EPHA6: variants seen among roughly 807,000 people sequenced by gnomAD.
The protein encoded by EPHA6 is ephrin type-A receptor 6.
EPHA6 carries 50 observed loss-of-function variants against 112.0 expected under a neutral mutation model. The ratio of observed to expected loss-of-function variants is 0.45; its 90% CI spans 0.36 to 0.56. The LOEUF (loss-of-function observed/expected upper bound fraction) is 0.56. EPHA6 is among the 20% of genes least tolerant of loss of function. The pLI is 0.00. For missense variants in EPHA6, 1,280 were observed against 1,417.4 expected (o/e 0.90, Z 1.56); for synonymous variants, 529 against 490.7 (o/e 1.08, Z -1.03).
chr3:97,008,896 A>G (rs908787205), intron 3 of EPHA6, among the ~76,000 whole-genome samples: 1 of 151,856 alleles, frequency 6.6e-6, no homozygotes, highest in African/African-American at 2.4e-5. Flanking sequence ...CTGTAGGGCT[A>G]CTGCAGTTTG....
intron 2 of EPHA6, among the ~76,000 whole-genome samples, chr3:96,912,760 TC>T (rs1480376709): frequency 1.3e-5 from 2 of 151,886 alleles, no homozygotes; most frequent in African/African-American, 4.8e-5. Flanking sequence ...GCTAATTTTT[TC>T]AAAAAAATTT....
At chr3:96,829,412 C>T (rs1391951657) in intron 1 of EPHA6, among the ~76,000 whole-genome samples, 4 of 152,004 alleles carry the variant, frequency 2.6e-5, no homozygotes, top group Non-Finnish European at 4.4e-5. Context: ...ATTTGAACTC[C>T]AGACAGTTTA....
intron 3 of EPHA6, among the ~76,000 whole-genome samples, chr3:97,085,948 T>TATATATATACACAC (rs984404779): frequency 1.4e-5 from 2 of 145,124 alleles, no homozygotes; most frequent in African/African-American, 5.5e-5. Flanking sequence ...TATATATATA[T>TATATATATACACAC]ACACACTGAG....
intron 14 of EPHA6, among the ~76,000 whole-genome samples, chr3:97,673,501 G>T (rs2031055451): frequency 2.6e-5 from 4 of 152,192 alleles, no homozygotes; most frequent in African/African-American, 9.6e-5. Flanking sequence ...TCCAGCCAAA[G>T]GTTCAGGTTT....
At chr3:97,194,797 A>T (rs1033224059) in intron 3 of EPHA6, among the ~76,000 whole-genome samples, 5 of 150,578 alleles carry the variant, frequency 3.3e-5, no homozygotes, top group African/African-American at 7.4e-5. Context: ...TACTGAATTG[A>T]CTCCATTGTC....
intron 12 of EPHA6, among the ~76,000 whole-genome samples, chr3:97,595,272 T>G (rs1433748654): frequency 6.6e-6 from 1 of 152,158 alleles, no homozygotes; most frequent in Non-Finnish European, 1.5e-5. Context: ...CACCAGGAAG[T>G]ATTAGCTGAA....
intron 2 of EPHA6, among the ~76,000 whole-genome samples, chr3:96,913,452 G>C (rs1331839402): frequency 2.6e-5 from 4 of 151,986 alleles, no homozygotes; most frequent in Non-Finnish European, 2.9e-5. Flanking sequence ...GGCTGCAAAT[G>C]CTGCTTCATC....
chr3:97,514,251 A>C (rs2107600239), intron 10 of EPHA6, among the ~76,000 whole-genome samples: 1 of 152,212 alleles, frequency 6.6e-6, no homozygotes, highest in East Asian at 1.9e-4. Flanking sequence ...TCCTTGGCTC[A>C]TGGCCCTTCT....
At chr3:96,901,791 C>T (rs2038627441) in intron 2 of EPHA6, among the ~76,000 whole-genome samples, 1 of 152,080 alleles carries the variant, frequency 6.6e-6, no homozygotes. Flanking sequence ...TTTCAGGTTG[C>T]CACTACTCTC....
intron 14 of EPHA6, among the ~76,000 whole-genome samples, chr3:97,641,582 A>T (rs1204674546): frequency 6.6e-6 from 1 of 152,220 alleles, no homozygotes; most frequent in Admixed American, 6.5e-5. Context: ...TAGTGGGTGC[A>T]GCGCACCATG....
At chr3:96,978,039 A>G (rs2042603337) in intron 2 of EPHA6, among the ~76,000 whole-genome samples, 1 of 152,140 alleles carries the variant, frequency 6.6e-6, no homozygotes, top group South Asian at 2.1e-4. Flanking sequence ...GCATGCCTGT[A>G]GTCCCAGCTA....
intron 14 of EPHA6, among the ~76,000 whole-genome samples, chr3:97,667,759 A>C (rs2030303418): frequency 6.6e-6 from 1 of 152,180 alleles, no homozygotes; most frequent in Admixed American, 6.5e-5. Context: ...TGCCTGACAG[A>C]TCAAAATTCT....
At chr3:96,860,846 A>G (rs1390336243) in intron 1 of EPHA6, among the ~76,000 whole-genome samples, 5 of 152,276 alleles carry the variant, frequency 3.3e-5, no homozygotes, top group African/African-American at 1.2e-4. Flanking sequence ...CGAAGTGCTG[A>G]AGATGTCAAA....
At chr3:97,616,906 C>A (rs2093771100) in intron 13 of EPHA6, among the ~76,000 whole-genome samples, 1 of 152,110 alleles carries the variant, frequency 6.6e-6, no homozygotes, top group African/African-American at 2.4e-5. Flanking sequence ...GACAGGCCAA[C>A]ATTCAAATTC....
At chr3:97,412,731 A>T (rs2087813340) in intron 6 of EPHA6, among the ~76,000 whole-genome samples, 1 of 152,090 alleles carries the variant, frequency 6.6e-6, no homozygotes, top group Non-Finnish European at 1.5e-5. Flanking sequence ...ATCTACATAT[A>T]CTATCAAGTT....
At chr3:97,056,024 TA>T (rs2045840301) in intron 3 of EPHA6, among the ~76,000 whole-genome samples, 1 of 151,012 alleles carries the variant, frequency 6.6e-6, no homozygotes, top group South Asian at 2.1e-4. Context: ...CTAATATTAT[TA>T]AAACTTTCTT....
At chr3:97,079,496 G>A (rs966145366) in intron 3 of EPHA6, among the ~76,000 whole-genome samples, 4 of 150,842 alleles carry the variant, frequency 2.7e-5, no homozygotes, top group African/African-American at 9.8e-5. Context: ...CAACTAATCA[G>A]TACTAGCCTT....
intron 3 of EPHA6, among the ~76,000 whole-genome samples, chr3:97,198,934 A>G (rs994191375): frequency 4.6e-5 from 7 of 152,142 alleles, no homozygotes; most frequent in Admixed American, 1.3e-4. Context: ...CATTTACTTG[A>G]CATGCTCTCA....
intron 11 of EPHA6, among the ~76,000 whole-genome samples, chr3:97,550,489 A>T (rs1426821633): frequency 6.6e-6 from 1 of 152,174 alleles, no homozygotes. Context: ...CTTTAACCCA[A>T]CTAATGAATC....
Sources: gnomAD v4.1 joint callset for allele counts (sites outside exome capture counted in the v4.1 genomes callset) on GRCh38, gnomAD v4.1.1 for gene constraint, MANE v1.5 for transcripts, NCBI Gene and HGNC (gene_info 2026-07-23, HGNC 2026-07-21) for gene names.